The following CERS3 variants were observed in gnomAD, a reference collection of about 807,000 sequenced individuals.
CERS3 encodes ceramide synthase 3.
CERS3 carries 33 observed loss-of-function variants against 50.3 expected under a neutral mutation model. The observed-to-expected ratio is 0.66, with a 90% CI of 0.50 to 0.88. The LOEUF is 0.88. CERS3 is among the 40% of genes least tolerant of loss of function. The pLI is 0.00. For synonymous variants in CERS3, 176 were observed against 155.2 expected, an observed-to-expected ratio of 1.13 and a Z score of -0.99; for missense variants, 470 against 460.3, an observed-to-expected ratio of 1.02 and a Z score of -0.19.
chr15:100,488,886 C>T (rs2035566296), intron 4 of CERS3, among the ~76,000 whole-genome samples: 1 of 151,766 alleles, frequency 6.6e-6, no homozygotes, highest in Non-Finnish European at 1.5e-5. Flanking sequence ...AAGCTGTCCT[C>T]CTGCCTCAGC....
At chr15:100,404,657 G>A (rs755017801) in intron 11 of CERS3, among the ~76,000 whole-genome samples, 7 of 152,264 alleles carry the variant, frequency 4.6e-5, no homozygotes, top group South Asian at 2.1e-4. Flanking sequence ...AAAGGAACTC[G>A]AATAGCTAAA....
At position 100,497,469 on chromosome 15, in the gene CERS3, T is replaced by C. The variant is rs140310674; in HGVS notation, c.173+4208A>G. ...GGAGAAAACATCCATTTTTTTTCTC[T>C]ATTAGAACAACACAAACTGGAAATA... On this transcript the variant is annotated intron_variant, in intron 3 of 11. Transcript: ENST00000679737. Among the ~76,000 whole-genome samples the C allele has an allele frequency of 1.4e-3, 214 of 152,260 alleles. 1 individual carries two copies. Among genetic ancestry groups the C allele is most frequent in the Admixed American group, 0.01 (160 of 15,278 alleles).
chr15:100,529,255 C>A (rs1246199533), upstream of CERS3: 1 of 152,212 alleles, frequency 6.6e-6, no homozygotes, highest in Non-Finnish European at 1.5e-5. Context: ...CCAGTCACAA[C>A]CCTGTACTGT....
At chr15:100,424,440 G>T (rs866844246) in intron 11 of CERS3, among the ~76,000 whole-genome samples, 2 of 152,210 alleles carry the variant, frequency 1.3e-5, no homozygotes, top group Admixed American at 6.5e-5. Flanking sequence ...CTTGTTGAAT[G>T]GTTGTGACCA....
chr15:100,408,950 C>T (rs1279783400), intron 11 of CERS3, among the ~76,000 whole-genome samples: 1 of 152,150 alleles, frequency 6.6e-6, no homozygotes, highest in African/African-American at 2.4e-5. Flanking sequence ...TTTCACAACA[C>T]CACACAGCTA....
chr15:100,539,015 A>T (rs1358627116), intron 1 of CERS3, among the ~76,000 whole-genome samples: 1 of 152,126 alleles, frequency 6.6e-6, no homozygotes, highest in Non-Finnish European at 1.5e-5. Flanking sequence ...GATACCCTAA[A>T]TCATCTCTCT....
intron 2 of CERS3, among the ~76,000 whole-genome samples, chr15:100,510,200 C>A (rs561635839): frequency 6.6e-6 from 1 of 152,092 alleles, no homozygotes; most frequent in Non-Finnish European, 1.5e-5. Flanking sequence ...AACAACTTAA[C>A]CTTGAAGGAT....
chr15:100,466,987 G>A (rs1345692064), intron 10 of CERS3, among the ~76,000 whole-genome samples: 1 of 151,710 alleles, frequency 6.6e-6, no homozygotes, highest in African/African-American at 2.4e-5. Flanking sequence ...CCGAGTGGCT[G>A]GGATTATAGG....
intron 1 of CERS3, among the ~76,000 whole-genome samples, chr15:100,540,112 T>C (rs995124575): frequency 2.6e-5 from 4 of 152,220 alleles, no homozygotes; most frequent in African/African-American, 9.6e-5. Context: ...CCCACCTTAC[T>C]GTCCACCAAA....
intron 11 of CERS3, among the ~76,000 whole-genome samples, chr15:100,431,307 T>C (rs1458423945): frequency 6.6e-6 from 1 of 152,174 alleles, no homozygotes; most frequent in Non-Finnish European, 1.5e-5. Context: ...TCTCACTTTA[T>C]ATAATAAATG....
intron 10 of CERS3, among the ~76,000 whole-genome samples, chr15:100,460,276 C>G (rs1212465289): frequency 6.6e-6 from 1 of 152,074 alleles, no homozygotes; most frequent in Non-Finnish European, 1.5e-5. Flanking sequence ...CTGTAAAATG[C>G]GAGCAGAGAG....
intron 11 of CERS3, among the ~76,000 whole-genome samples, chr15:100,445,192 T>C (rs1006626955): frequency 2.1e-4 from 31 of 149,120 alleles, no homozygotes; most frequent in African/African-American, 7.7e-4. Flanking sequence ...CCAGTCTCAT[T>C]CCAGACACCA....
intron 11 of CERS3, among the ~76,000 whole-genome samples, chr15:100,449,540 G>C (rs2034075316): frequency 6.6e-6 from 1 of 152,174 alleles, no homozygotes. Flanking sequence ...CCAAGGACTA[G>C]CCCACTTGGC....
intron 11 of CERS3, among the ~76,000 whole-genome samples, chr15:100,441,418 C>A (rs548611645): frequency 6.6e-6 from 1 of 152,084 alleles, no homozygotes; most frequent in South Asian, 2.1e-4. Flanking sequence ...GTGCCCCAAC[C>A]CCTTACTTCC....
At position 100,401,390 on chromosome 15, in the gene CERS3, C is replaced by G. The variant is rs186722397; in HGVS notation, c.*1323G>C. ...ATGTGTCCCTCTGGTGACAAGGCCG[C>G]AAGGGAGGCAGGGACGTGTGCAAGT... On this transcript the variant is annotated 3_prime_UTR_variant, in exon 12 of 12. Coordinates refer to ENST00000679737, the MANE Select transcript of CERS3 (RefSeq NM_001378789.1). The G allele has an allele frequency of 0.016, 2,505 of 152,436 alleles. 32 individuals carry two copies. Among genetic ancestry groups the G allele is most frequent in the Admixed American group, 0.027 (419 of 15,310 alleles). The allele number at this position is 152,436 out of a possible 1,614,324, so 9.4% of individuals were successfully genotyped here. A position where few individuals can be genotyped will look rare whatever the true frequency, so the allele number is the denominator to read the frequency against.
chr15:100,533,043 A>C (rs2036978896), upstream of CERS3, among the ~76,000 whole-genome samples: 1 of 152,026 alleles, frequency 6.6e-6, no homozygotes, highest in African/African-American at 2.4e-5. Flanking sequence ...CCGCTTCCAC[A>C]CTCATCCTGG....
intron 1 of CERS3, among the ~76,000 whole-genome samples, chr15:100,526,628 T>G (rs937461975): frequency 1.3e-5 from 2 of 152,140 alleles, no homozygotes; most frequent in African/African-American, 4.8e-5. Context: ...CATAGGACAT[T>G]CATTACTTTA....
intron 2 of CERS3, among the ~76,000 whole-genome samples, chr15:100,513,024 A>C (rs1267427751): frequency 6.6e-6 from 1 of 152,214 alleles, no homozygotes; most frequent in Non-Finnish European, 1.5e-5. Context: ...ATATTTTCCT[A>C]GCAAAACTAA....
chr15:100,450,917 G>C lies in CERS3; in HGVS notation c.999+4976C>G, dbSNP rs73472011. Among the ~76,000 whole-genome samples, 1,331 of 152,094 alleles carry C rather than the reference G, an allele frequency of 8.8e-3. 26 individuals carry two copies. The highest frequency in any genetic ancestry group is 0.03 in the African/African-American group (1,257 of 41,498). On this transcript the variant is annotated intron_variant, in intron 11 of 11. Transcript: ENST00000679737. ...CCATAGTCCTGAAAGTGGGGGAGGG[G>C]GGGAACCTGTTAGCCAAGAATTCTA...
Sources: allele counts gnomAD v4.1 joint callset (sites outside exome capture counted in the v4.1 genomes callset), GRCh38; gene constraint gnomAD v4.1.1; transcripts MANE v1.5; gene names NCBI Gene and HGNC (gene_info 2026-07-23, HGNC 2026-07-21).